MRPS9: variants seen among roughly 807,000 people sequenced by gnomAD.
MRPS9 encodes mitochondrial ribosomal protein S9.
In MRPS9, 45 loss-of-function variants were observed where a neutral mutation model predicts 59.9. That is an observed-to-expected ratio of 0.75 (90% confidence interval 0.59 to 0.96). MRPS9 has a LOEUF of 0.96. Among genes scored for constraint, MRPS9 ranks in the 40% least tolerant of loss-of-function variants. MRPS9 has a pLI of 0.00. For missense variants in MRPS9, 473 were observed against 481.1 expected, an observed-to-expected ratio of 0.98 and a Z score of 0.16; for synonymous variants, 171 against 166.8, an observed-to-expected ratio of 1.03 and a Z score of -0.19.
chr2:105,098,962 A>G (rs543923525), intron 10 of MRPS9, among the ~76,000 whole-genome samples: 2 of 152,282 alleles, frequency 1.3e-5, no homozygotes, highest in East Asian at 3.9e-4. Flanking sequence ...GCTAAGAGTA[A>G]CCCCAGCAGT....
chr2:105,097,033 T>C (rs1680675726), intron 9 of MRPS9, 122 bp from the exon 10 acceptor site: 1 of 979,574 alleles, frequency 1.0e-6, no homozygotes, highest in African/African-American at 1.7e-5. Flanking sequence ...GATTGAGAAG[T>C]ATGAAAAGTA....
intron 1 of MRPS9, among the ~76,000 whole-genome samples, chr2:105,043,954 A>G (rs1198798867): frequency 2.2e-5 from 3 of 135,590 alleles, no homozygotes; most frequent in Non-Finnish European, 1.6e-5. Flanking sequence ...TTTTTTTTCT[A>G]AGATGGAGTC....
At chr2:105,088,762 A>G (rs1021050335) in intron 5 of MRPS9, among the ~76,000 whole-genome samples, 4 of 152,112 alleles carry the variant, frequency 2.6e-5, no homozygotes, top group African/African-American at 9.6e-5. Flanking sequence ...GCTGTGATGT[A>G]TGACACTAAA....
At chr2:105,070,585 G>C (rs148496783) in intron 2 of MRPS9, among the ~76,000 whole-genome samples, 55 of 152,306 alleles carry the variant, frequency 3.6e-4, no homozygotes, top group African/African-American at 1.2e-3. Flanking sequence ...GTGAGGCGGG[G>C]CATTGGAGAA....
intron 4 of MRPS9, among the ~76,000 whole-genome samples, chr2:105,074,036 C>T (rs922043623): frequency 1.3e-5 from 2 of 151,988 alleles, no homozygotes; most frequent in African/African-American, 4.8e-5. Flanking sequence ...TCATATCATT[C>T]GATTTTTCTG....
intron 1 of MRPS9, among the ~76,000 whole-genome samples, chr2:105,042,169 C>T (rs1040014201): frequency 2.0e-5 from 3 of 152,228 alleles, no homozygotes; most frequent in African/African-American, 7.2e-5. Flanking sequence ...GGTCCTCTTG[C>T]TCAGGGTCTC....
chr2:105,042,031 T>A (rs1679511137), intron 1 of MRPS9, among the ~76,000 whole-genome samples: 1 of 152,266 alleles, frequency 6.6e-6, no homozygotes, highest in African/African-American at 2.4e-5. Flanking sequence ...TTCATTGTAA[T>A]TAGGATGATG....
At chr2:105,082,383 A>T (rs937314654) in intron 5 of MRPS9, among the ~76,000 whole-genome samples, 1 of 152,162 alleles carries the variant, frequency 6.6e-6, no homozygotes, top group African/African-American at 2.4e-5. Flanking sequence ...GCCTGTGTGC[A>T]GTTATGTGAG....
chr2:105,040,161 C>T (rs920074176), intron 1 of MRPS9, among the ~76,000 whole-genome samples: 2 of 148,746 alleles, frequency 1.3e-5, no homozygotes, highest in African/African-American at 2.5e-5. Context: ...ATTGATAAAG[C>T]TTTTTTTTTT....
At chr2:105,043,540 C>T (rs1679537872) in intron 1 of MRPS9, among the ~76,000 whole-genome samples, 1 of 152,202 alleles carries the variant, frequency 6.6e-6, no homozygotes, top group Non-Finnish European at 1.5e-5. Flanking sequence ...CTGATTGAAC[C>T]TGCATGGATA....
intron 7 of MRPS9, among the ~76,000 whole-genome samples, chr2:105,091,591 G>A (rs1680559242): frequency 6.6e-6 from 1 of 152,116 alleles, no homozygotes; most frequent in Non-Finnish European, 1.5e-5. Context: ...AGGCAGTAGT[G>A]ACAAAGATGA....
chr2:105,041,220 T>C (rs1281369505), intron 1 of MRPS9, among the ~76,000 whole-genome samples: 1 of 152,220 alleles, frequency 6.6e-6, no homozygotes, highest in Non-Finnish European at 1.5e-5. Flanking sequence ...AAATCCTCTA[T>C]CAATATAGCT....
At chr2:105,083,348 A>C (rs942442347) in intron 5 of MRPS9, among the ~76,000 whole-genome samples, 1 of 152,088 alleles carries the variant, frequency 6.6e-6, no homozygotes, top group Admixed American at 6.5e-5. Flanking sequence ...CAAGGCTGTA[A>C]ACCCCACCAG....
intron 7 of MRPS9, chr2:105,091,297 T>A: frequency 6.4e-6 from 3 of 471,042 alleles, no homozygotes; most frequent in South Asian, 3.1e-5. Flanking sequence ...CAAGGCTGAG[T>A]TCCACCCATA....
chr2:105,077,524 C>T (rs955457186), intron 4 of MRPS9, among the ~76,000 whole-genome samples: 4 of 152,158 alleles, frequency 2.6e-5, no homozygotes, highest in Admixed American at 2.6e-4. Context: ...AGTTTAATAC[C>T]GTTTATATCT....
intron 1 of MRPS9, among the ~76,000 whole-genome samples, chr2:105,039,376 CTT>C (rs1184741308): frequency 4.3e-5 from 6 of 140,476 alleles, no homozygotes; most frequent in Non-Finnish European, 9.2e-5. Flanking sequence ...TCATGCATCT[CTT>C]TGAGTATATC....
chr2:105,077,160 A>G (rs111272508), intron 4 of MRPS9, among the ~76,000 whole-genome samples: 32,474 of 151,298 alleles, frequency 0.21, 3,553 homozygotes, highest in Middle Eastern at 0.35. Flanking sequence ...CAGGAGAATC[A>G]CTTGAACCCA....
intron 5 of MRPS9, among the ~76,000 whole-genome samples, chr2:105,087,507 T>G (rs552664795): frequency 3.1e-4 from 47 of 152,296 alleles, no homozygotes; most frequent in Admixed American, 4.6e-4. Flanking sequence ...GATATTCATG[T>G]CTACTGGTAA....
At chr2:105,061,035 G>A (rs1319531799) in intron 2 of MRPS9, among the ~76,000 whole-genome samples, 10 of 148,540 alleles carry the variant, frequency 6.7e-5, no homozygotes, top group Admixed American at 4.1e-4. Flanking sequence ...GCGTGAACCC[G>A]GGAGGTGGAA....
Sources: gnomAD v4.1 joint callset for allele counts (sites outside exome capture counted in the v4.1 genomes callset) on GRCh38, gnomAD v4.1.1 for gene constraint, MANE v1.5 for transcripts, NCBI Gene and HGNC (gene_info 2026-07-23, HGNC 2026-07-21) for gene names.